Variants in NISCH observed in about 807,000 individuals in gnomAD.
NISCH encodes the protein I-1 receptor candidate protein.
NISCH carries 55 observed loss-of-function variants against 138.4 expected under a neutral mutation model. That is an observed-to-expected ratio of 0.40 (90% CI 0.32 to 0.50). The LOEUF (loss-of-function observed/expected upper bound fraction) is 0.50, where lower values mean the gene tolerates loss of function less well. NISCH is among the 20% of genes least tolerant of loss of function. The probability of loss-of-function intolerance (pLI) is 0.71; values close to 1 mark genes in which losing one functional copy is unlikely to be tolerated. For missense variants in NISCH, 1,643 were observed against 2,005.5 expected (o/e 0.82, Z 3.45); for synonymous variants, 860 against 861.5 (o/e 1.00, Z 0.03).
At chr3:52,472,091 GA>G in intron 5 of NISCH, 114 bp downstream of exon 5, 3 of 1,214,330 alleles carry the variant, frequency 2.5e-6, no homozygotes, top group Non-Finnish European at 3.5e-6. Context: ...TTGGTGGAAG[GA>G]AGGCCGCCCG....
rs60949920 is a variant in NISCH at position 52,460,400 on chromosome 3, ATTT to A, written c.360+1573_360+1575del. ...CAGTATCCAACTGTATGGCTGTACT[ATTT>A]TTTTTTTTTTTTTTTTGAGACAGGG... On this transcript the variant is annotated intron_variant, in intron 3 of 20. Transcript: ENST00000345716. Among the ~76,000 whole-genome samples the A allele has an allele frequency of 1.1e-3, 121 of 114,408 alleles. No individual in the cohort carries two copies. In the Middle Eastern group the frequency reaches 0.012, roughly 12 times the overall value. 75.1% of individuals were successfully genotyped at this position (114,408 alleles called of 152,430 possible).
At chr3:52,481,095 C>T in intron 13 of NISCH, 1 of 1,307,012 alleles carries the variant, frequency 7.7e-7, no homozygotes, top group Middle Eastern at 2.8e-4. Context: ...AAAAACATTC[C>T]CACCCCTTGA....
intron 17 of NISCH, 35 bp from the exon 18 acceptor site, chr3:52,490,040 G>C (rs781195375): frequency 6.2e-6 from 10 of 1,612,246 alleles, no homozygotes; most frequent in Non-Finnish European, 8.5e-6. Flanking sequence ...AGGTTGCTAG[G>C]GTGGTGGAGC....
rs1238771483 is a variant in NISCH, at chr3:52,487,276, A to G, written c.1784A>G (p.Tyr595Cys). 1 of 1,614,146 alleles carries G rather than the reference A, an allele frequency of 6.2e-7. No individual in the cohort carries two copies. Among genetic ancestry groups the G allele is most frequent in the Non-Finnish European group, 8.5e-7 (1 of 1,180,030 alleles). The change falls in exon 16 of 21, where the codon TAC becomes TGC. Residue 595 changes from tyrosine to cysteine, a missense_variant. Tyr to Cys is a radical substitution (Grantham distance 194). Coordinates refer to ENST00000345716, the MANE Select transcript of NISCH (RefSeq NM_007184.4). This position sits in a 1 kb window ranked among gnomAD's most constrained non-coding sequence, Gnocchi z 9.1. ...IIFLPFTCIG[Y>C]TATNQDFIQR... ...TTCCTGCCCTTCACCTGCATTGGCTACACGGCCACCAATCAGGACTTCATC... is the reference window on the plus strand; with the variant it reads ...TTCCTGCCCTTCACCTGCATTGGCTGCACGGCCACCAATCAGGACTTCATC...
At chr3:52,491,292 G>T in intron 19 of NISCH, 60 bp from the exon 20 acceptor site, 1 of 1,557,612 alleles carries the variant, frequency 6.4e-7, no homozygotes. Context: ...TGGCTCTAAG[G>T]GGCAGGGATA....
Position 52,492,476 on chromosome 3 carries a change from C to T in NISCH, c.4509C>T (p.Thr1503=), listed in dbSNP as rs370623437. 1.6e-5 allele frequency: 26 copies of T among 1,594,766 alleles called. No homozygotes were observed. The highest frequency in any genetic ancestry group is 8.0e-5 in the African/African-American group (6 of 74,758). Residue 1503 remains threonine (T), a synonymous_variant, in exon 21 of 21, where the codon ACC becomes ACT. Coordinates refer to ENST00000345716, the MANE Select transcript of NISCH (RefSeq NM_007184.4). The stretch of plus-strand genomic sequence containing the variant: ...GCCGTGAGCTGCCTGTCGAGCTCAC[C>T]GGCTAGCCCAGGCCACAGCCAGCCT... The part of the protein sequence containing the change: ...LCGRELPVEL[T]G
chr3:52,480,370 G>A (rs1578301119), intron 13 of NISCH, 75 bp downstream of exon 13: 1 of 1,587,754 alleles, frequency 6.3e-7, no homozygotes, highest in African/African-American at 1.4e-5. Context: ...CTGGGGTTGG[G>A]GGAGAGGTGC....
rs377410215 is a variant in NISCH, at chr3:52,484,332, CTTGAG to C, written c.1529-178_1529-174del. 90 of 576,814 alleles carry C rather than the reference CTTGAG, an allele frequency of 1.6e-4. 2 individuals carry two copies. In the Admixed American group the frequency reaches 1.7e-3, roughly 11 times the overall value. 35.7% of individuals were successfully genotyped at this position (576,814 alleles called of 1,614,324 possible). On this transcript the variant is annotated intron_variant, in intron 13 of 20. Coordinates refer to ENST00000345716, the MANE Select transcript of NISCH (RefSeq NM_007184.4). Reference sequence around the variant, plus strand: ...TTAGATAAGCAGTCATTTGTTCTTTCTTGAGTTATTTTGAGATTTCAGTTTTAACA... The same window carrying C: ...TTAGATAAGCAGTCATTTGTTCTTTCTTATTTTGAGATTTCAGTTTTAACA...
intron 7 of NISCH, 34 bp from the exon 8 acceptor site, chr3:52,476,413 G>C: frequency 6.2e-7 from 1 of 1,608,400 alleles, no homozygotes; most frequent in Non-Finnish European, 8.5e-7. Context: ...GTGAGGGCCC[G>C]AGTGTGGTGC....
chr3:52,475,605 C>G (rs1419852087), intron 7 of NISCH: 1 of 151,476 alleles, frequency 6.6e-6, no homozygotes, highest in Admixed American at 6.6e-5. Flanking sequence ...TTTGGGAGGC[C>G]AAGGCAGGAG....
intron 3 of NISCH, among the ~76,000 whole-genome samples, chr3:52,467,947 T>C (rs1706834486): frequency 1.3e-5 from 2 of 152,200 alleles, no homozygotes. Flanking sequence ...CTTTCTGAGC[T>C]GACACCAGCT....
intron 3 of NISCH, among the ~76,000 whole-genome samples, chr3:52,468,408 T>G (rs1578284057): frequency 6.6e-6 from 1 of 152,174 alleles, no homozygotes; most frequent in Non-Finnish European, 1.5e-5. Context: ...TGGCAGCCCC[T>G]GGGACCTGCT....
chr3:52,463,528 T>C (rs1706693488), intron 3 of NISCH, among the ~76,000 whole-genome samples: 1 of 152,176 alleles, frequency 6.6e-6, no homozygotes, highest in African/African-American at 2.4e-5. Context: ...ACTAACAAAT[T>C]GTTCTCCACA....
Position 52,472,018 on chromosome 3 carries a change from G to C in NISCH, c.573+41G>C, listed in dbSNP as rs367970005. 3 of 1,534,404 alleles carry C rather than the reference G, an allele frequency of 2.0e-6. No homozygotes were observed. In the Admixed American group the frequency reaches 5.8e-5, roughly 30 times the overall value. On this transcript the variant is annotated intron_variant, in intron 5 of 20. Coordinates refer to ENST00000345716, the MANE Select transcript of NISCH (RefSeq NM_007184.4). ...CTCAGTCATGGAGAGCCCCGCAGTC[G>C]GTGGGGGTGCAACCTGCGGGGGACT... is the stretch of plus-strand genomic sequence containing the variant.
intron 3 of NISCH, among the ~76,000 whole-genome samples, chr3:52,461,295 G>C (rs1319754662): frequency 6.6e-6 from 1 of 152,170 alleles, no homozygotes; most frequent in African/African-American, 2.4e-5. Flanking sequence ...TAAGACAGTT[G>C]AACCTTTCTT....
intron 20 of NISCH, 94 bp downstream of exon 20, chr3:52,491,607 C>T (rs548434292): frequency 1.5e-6 from 2 of 1,366,486 alleles, no homozygotes; most frequent in East Asian, 2.5e-5. Context: ...CTCTCTGCCT[C>T]TATGTCTCTC....
rs1707216177 is a variant in NISCH, at chr3:52,479,851, C to T, written c.1405C>T (p.Pro469Ser). The change falls in exon 12 of 21, where the codon CCA (proline) becomes TCA (serine). Residue 469 changes from proline to serine, a missense_variant. By Grantham distance (74) the Pro-to-Ser change is moderately conservative (BLOSUM62 -1). Transcript: ENST00000345716. ...GGAGGTCAAGTCCAAACTGAGCAAC[C>T]CAGAGAAGAAGGTGGGTTTGTGTGG... ...AKEVKSKLSN[P>S]EKKGGEDSRL... 1 of 1,612,738 alleles carries T rather than the reference C, an allele frequency of 6.2e-7. No individual in the cohort carries two copies.
At position 52,485,769 on chromosome 3, in the gene NISCH, C is replaced by G. The variant is rs1448545926; in HGVS notation, c.1654-9C>G. On this transcript the variant is annotated splice_polypyrimidine_tract_variant and intron_variant, in intron 14 of 20. Transcript: ENST00000345716. ...AGGTGGGGACTGACTGTGTTTCTTT[C>G]TCCATCAGGCAGCTTCCGATGATTT... The G allele has an allele frequency of 3.2e-6, 5 of 1,575,212 alleles. No individual in the cohort carries two copies. Among genetic ancestry groups the G allele is most frequent in the Non-Finnish European group, 4.3e-6 (5 of 1,159,034 alleles).
At chr3:52,478,660 C>A in intron 11 of NISCH, 83 bp downstream of exon 11, 2 of 1,307,098 alleles carry the variant, frequency 1.5e-6, no homozygotes, top group Non-Finnish European at 2.2e-6. Context: ...GGATATATGT[C>A]CATTGTTCTA....
Sources: allele counts gnomAD v4.1 joint callset (sites outside exome capture counted in the v4.1 genomes callset), GRCh38; gene constraint gnomAD v4.1.1; non-coding constraint Gnocchi (gnomAD v3.1); transcripts MANE v1.5; gene names NCBI Gene and HGNC (gene_info 2026-07-23, HGNC 2026-07-21).